The following RNF180 variants were observed in gnomAD, a reference collection of about 807,000 sequenced individuals.
RNF180 encodes the protein ring finger protein 180.
Under a neutral mutation model 59.2 loss-of-function variants are expected in RNF180, and 38 were observed. The ratio of observed to expected loss-of-function variants is 0.64; its 90% CI spans 0.50 to 0.84. The LOEUF (loss-of-function observed/expected upper bound fraction) is 0.84. Among genes scored for constraint, RNF180 ranks in the 40% least tolerant of loss-of-function variants. The pLI is 0.00. For synonymous variants in RNF180, 262 were observed against 240.3 expected (o/e 1.09, Z -0.84); for missense variants, 705 against 700.9 (o/e 1.01, Z -0.07).
intron 5 of RNF180, among the ~76,000 whole-genome samples, chr5:64,287,190 C>T (rs1742332421): frequency 6.6e-6 from 1 of 152,122 alleles, no homozygotes; most frequent in Non-Finnish European, 1.5e-5. Flanking sequence ...TGGTCTCGAA[C>T]TCCTGACCTC....
At chr5:64,336,547 G>C (rs983419076) in intron 7 of RNF180, among the ~76,000 whole-genome samples, 1 of 152,160 alleles carries the variant, frequency 6.6e-6, no homozygotes, top group Non-Finnish European at 1.5e-5. Flanking sequence ...ATTGCCAACA[G>C]TTCTCCCAAA....
At chr5:64,167,388 G>C (rs1749703371) in intron 1 of RNF180, among the ~76,000 whole-genome samples, 1 of 151,924 alleles carries the variant, frequency 6.6e-6, no homozygotes, top group Non-Finnish European at 1.5e-5. Flanking sequence ...TTTTGTCAAT[G>C]GTATTTTATT....
At chr5:64,328,711 A>G (rs1158622945) in intron 6 of RNF180, among the ~76,000 whole-genome samples, 2 of 152,184 alleles carry the variant, frequency 1.3e-5, no homozygotes, top group South Asian at 2.1e-4. Context: ...AAACTTTGTG[A>G]ATCAGTTTTC....
chr5:64,167,435 T>A (rs907569087), intron 1 of RNF180, among the ~76,000 whole-genome samples: 3 of 152,184 alleles, frequency 2.0e-5, no homozygotes, highest in African/African-American at 7.2e-5. Flanking sequence ...TTTTTGTGTG[T>A]TTGGTTTTTC....
chr5:64,185,767 T>A (rs1313252187), intron 1 of RNF180, among the ~76,000 whole-genome samples: 1 of 152,186 alleles, frequency 6.6e-6, no homozygotes, highest in East Asian at 1.9e-4. Flanking sequence ...TTATGCCCTA[T>A]CTCTGGGAGT....
chr5:64,305,860 A>C (rs536799429), intron 5 of RNF180, among the ~76,000 whole-genome samples: 1 of 151,712 alleles, frequency 6.6e-6, no homozygotes, highest in East Asian at 1.9e-4. Flanking sequence ...CCACTATAAC[A>C]GACATGTCAT....
intron 7 of RNF180, among the ~76,000 whole-genome samples, chr5:64,362,073 AT>A (rs1385299343): frequency 6.6e-6 from 1 of 151,478 alleles, no homozygotes; most frequent in East Asian, 1.9e-4. Flanking sequence ...CTTAAATTTA[AT>A]TTATTGATTA....
chr5:64,206,975 C>G (rs1752049032), intron 2 of RNF180, among the ~76,000 whole-genome samples: 1 of 151,946 alleles, frequency 6.6e-6, no homozygotes, highest in Non-Finnish European at 1.5e-5. Context: ...CAGACTAAGA[C>G]CACACACGTC....
intron 5 of RNF180, among the ~76,000 whole-genome samples, chr5:64,321,891 T>A (rs998474162): frequency 1.3e-5 from 2 of 151,998 alleles, no homozygotes; most frequent in African/African-American, 4.8e-5. Context: ...ACAAACCTGA[T>A]AAAAACAAGC....
intron 1 of RNF180, among the ~76,000 whole-genome samples, chr5:64,180,968 C>A (rs1448920600): frequency 6.6e-6 from 1 of 152,152 alleles, no homozygotes; most frequent in African/African-American, 2.4e-5. Flanking sequence ...GCCAACAATG[C>A]AGCCTTCAGT....
At chr5:64,286,996 T>G (rs1378080507) in intron 5 of RNF180, among the ~76,000 whole-genome samples, 2 of 152,208 alleles carry the variant, frequency 1.3e-5, no homozygotes, top group African/African-American at 2.4e-5. Flanking sequence ...AAATGAAGTC[T>G]TGCTCTGTTA....
intron 7 of RNF180, among the ~76,000 whole-genome samples, chr5:64,335,546 A>G (rs769612689): frequency 5.9e-5 from 9 of 152,080 alleles, no homozygotes; most frequent in Non-Finnish European, 1.0e-4. Flanking sequence ...AAAATAATGT[A>G]TCATTTCCTC....
At position 64,187,450 on chromosome 5, in the gene RNF180, A is replaced by G. The variant is rs185319471; in HGVS notation, c.1-13358A>G. Among the ~76,000 whole-genome samples the G allele has an allele frequency of 1.4e-4, 22 of 152,298 alleles. No individual in the cohort carries two copies. In the East Asian group the frequency reaches 4.2e-3, roughly 29 times the overall value. The stretch of plus-strand genomic sequence containing the variant: ...TGAACACCAAAGCATATGCAGAACC[A>G]TTTAAACTATTGAAGTTGATTTTAT... On this transcript the variant is annotated intron_variant, in intron 1 of 7. Coordinates refer to ENST00000389100, the MANE Select transcript of RNF180 (RefSeq NM_001113561.2).
At chr5:64,273,135 T>C (rs1741512439) in intron 5 of RNF180, among the ~76,000 whole-genome samples, 3 of 151,830 alleles carry the variant, frequency 2.0e-5, no homozygotes, top group Admixed American at 1.3e-4. Context: ...TTATAATATA[T>C]TAGCATGCTA....
chr5:64,303,962 C>G (rs1743300465), intron 5 of RNF180, among the ~76,000 whole-genome samples: 1 of 151,596 alleles, frequency 6.6e-6, no homozygotes, highest in African/African-American at 2.4e-5. Flanking sequence ...GGTGACTAAG[C>G]AGAAGCCAGT....
At chr5:64,335,863 A>G (rs1745104246) in intron 7 of RNF180, among the ~76,000 whole-genome samples, 2 of 152,152 alleles carry the variant, frequency 1.3e-5, no homozygotes, top group Non-Finnish European at 2.9e-5. Flanking sequence ...GGGAGTATTG[A>G]TACCTTAGAG....
chr5:64,369,361 A>T lies in RNF180; in HGVS notation c.1580-254A>T, dbSNP rs151159742. On this transcript the variant is annotated intron_variant, in intron 7 of 7. Transcript: ENST00000389100. ...GCATTGGGAGACATACCTAATGCTA[A>T]ATGATGAGTTAATAGGTGCAGCACA... Among the ~76,000 whole-genome samples, 464 of 151,970 alleles carry T rather than the reference A, an allele frequency of 3.1e-3. 2 individuals are homozygous for T. The highest frequency in any genetic ancestry group is 9.8e-3 in the South Asian group (47 of 4,810).
chr5:64,272,502 A>G (rs1188579398), intron 5 of RNF180, among the ~76,000 whole-genome samples: 2 of 152,016 alleles, frequency 1.3e-5, no homozygotes, highest in African/African-American at 2.4e-5. Context: ...AGGGACCATG[A>G]TACAGATGTT....
chr5:64,167,747 T>C (rs1749726948), intron 1 of RNF180, among the ~76,000 whole-genome samples: 1 of 152,226 alleles, frequency 6.6e-6, no homozygotes, highest in African/African-American at 2.4e-5. Context: ...TAAATTTTGC[T>C]AACTACATAG....
Sources: allele counts gnomAD v4.1 joint callset (sites outside exome capture counted in the v4.1 genomes callset), GRCh38; gene constraint gnomAD v4.1.1; transcripts MANE v1.5; gene names NCBI Gene and HGNC (gene_info 2026-07-23, HGNC 2026-07-21).